The following ZMIZ1 variants were observed in gnomAD, a reference collection of about 807,000 sequenced individuals.
The protein encoded by ZMIZ1 is zinc finger MIZ domain-containing protein 1.
Under a neutral mutation model 113.9 loss-of-function variants are expected in ZMIZ1, and 17 were observed. The ratio of observed to expected loss-of-function variants is 0.15; its 90% CI spans 0.10 to 0.22. The LOEUF (loss-of-function observed/expected upper bound fraction) is 0.22, where lower values mean the gene tolerates loss of function less well. ZMIZ1 is among the 10% of genes least tolerant of loss of function. The pLI is 1.00. For synonymous variants in ZMIZ1, 607 were observed against 603.1 expected (o/e 1.01, Z -0.09); for missense variants, 1,059 against 1,477.8 (o/e 0.72, Z 4.65).
intron 2 of ZMIZ1, among the ~76,000 whole-genome samples, chr10:79,137,944 C>T (rs990228474): frequency 1.6e-4 from 25 of 152,148 alleles, no homozygotes; most frequent in African/African-American, 6.0e-4. Flanking sequence ...CGGTCCTGGG[C>T]CCAACTGACT....
At chr10:79,135,894 C>T (rs1176337968) in intron 2 of ZMIZ1, among the ~76,000 whole-genome samples, 4 of 152,256 alleles carry the variant, frequency 2.6e-5, no homozygotes, top group Non-Finnish European at 5.9e-5. Context: ...GGCCACCCAC[C>T]CACCCGCCGC....
intron 1 of ZMIZ1, among the ~76,000 whole-genome samples, chr10:79,113,037 A>G (rs1018076515): frequency 1.3e-5 from 2 of 152,164 alleles, no homozygotes; most frequent in African/African-American, 4.8e-5. Flanking sequence ...AGGGCTTCTC[A>G]ACAGCTTTCA....
At chr10:79,213,046 C>T (rs963646387) in intron 6 of ZMIZ1, among the ~76,000 whole-genome samples, 3 of 152,098 alleles carry the variant, frequency 2.0e-5, no homozygotes, top group Non-Finnish European at 4.4e-5. Flanking sequence ...CTTCCCCCTG[C>T]CACCCCCACC....
chr10:79,313,274 C>T lies in ZMIZ1; in HGVS notation c.*525C>T. The T allele has an allele frequency of 1.3e-5, 1 of 77,340 alleles. No individual in the cohort carries two copies. Among genetic ancestry groups the T allele is most frequent in the East Asian group, 3.5e-4 (1 of 2,882 alleles). 4.8% of individuals were successfully genotyped at this position (77,340 alleles called of 1,614,324 possible). On this transcript the variant is annotated 3_prime_UTR_variant, in exon 25 of 25. Coordinates refer to ENST00000334512, the MANE Select transcript of ZMIZ1 (RefSeq NM_020338.4). ...AGTTGGTGGCAGTGAGACCAGCCCA[C>T]CCACCACCACCCACCACAGAAAAGC...
intron 3 of ZMIZ1, among the ~76,000 whole-genome samples, chr10:79,159,627 A>G (rs1406987669): frequency 6.6e-6 from 1 of 152,152 alleles, no homozygotes; most frequent in Non-Finnish European, 1.5e-5. Flanking sequence ...GTCAGTGTCC[A>G]CCTCACAGCG....
intron 2 of ZMIZ1, among the ~76,000 whole-genome samples, chr10:79,121,429 G>A (rs1378683101): frequency 1.3e-5 from 2 of 152,210 alleles, no homozygotes; most frequent in African/African-American, 4.8e-5. Flanking sequence ...TTCTGACCTA[G>A]TATTCCCAGG....
chr10:79,165,971 T>C (rs956867158), intron 4 of ZMIZ1, among the ~76,000 whole-genome samples: 564 of 27,786 alleles, frequency 0.02, no homozygotes, highest in African/African-American at 0.034. Flanking sequence ...TGTGTGTGTG[T>C]GTGTGTGTGT....
intron 8 of ZMIZ1, chr10:79,285,313 G>T (rs1852996797): frequency 2.7e-6 from 1 of 368,046 alleles, no homozygotes; most frequent in Non-Finnish European, 5.4e-6. Context: ...CAGTAAATCA[G>T]AACAACAGTA....
Position 79,300,961 on chromosome 10 carries a change from G to A in ZMIZ1, c.2019+19G>A. 1 of 1,604,820 alleles carries A rather than the reference G, an allele frequency of 6.2e-7. No homozygotes were observed. Among genetic ancestry groups the A allele is most frequent in the Admixed American group, 1.7e-5 (1 of 59,958 alleles). On this transcript the variant is annotated intron_variant, in intron 17 of 24. Coordinates refer to ENST00000334512, the MANE Select transcript of ZMIZ1 (RefSeq NM_020338.4). ...CTGCTGCGTGAGTGTGGTGGGCCAG[G>A]GGCAGCGTTGGCACAGGCAGGCCCT... is the stretch of plus-strand genomic sequence containing the variant.
chr10:79,305,288 G>A, intron 20 of ZMIZ1, 57 bp downstream of exon 20: 6 of 1,591,916 alleles, frequency 3.8e-6, no homozygotes, highest in South Asian at 2.2e-5. Context: ...CAGACGGGAG[G>A]GGCCAGCTAC....
At chr10:79,114,506 C>CGTGTGT (rs57304757) in intron 1 of ZMIZ1, among the ~76,000 whole-genome samples, 5,304 of 93,000 alleles carry the variant, frequency 0.057, 194 homozygotes, top group Non-Finnish European at 0.07. Context: ...TGTGTGTGTG[C>CGTGTGT]GTGTGTGTGT....
chr10:79,308,585 T>C (rs998609780), intron 23 of ZMIZ1, among the ~76,000 whole-genome samples: 1 of 152,122 alleles, frequency 6.6e-6, no homozygotes, highest in African/African-American at 2.4e-5. Flanking sequence ...TGACATGGAA[T>C]TGCCTCAGGA....
chr10:79,082,972 G>A (rs1842705513), intron 1 of ZMIZ1, among the ~76,000 whole-genome samples: 1 of 152,140 alleles, frequency 6.6e-6, no homozygotes, highest in African/African-American at 2.4e-5. Context: ...ACCCAAGGAA[G>A]GTGGATTCAT....
intron 7 of ZMIZ1, among the ~76,000 whole-genome samples, chr10:79,223,908 A>G (rs1243423572): frequency 1.3e-5 from 2 of 152,208 alleles, no homozygotes; most frequent in African/African-American, 4.8e-5. Context: ...GTTTATGGAC[A>G]CAGTGTTCCC....
chr10:79,289,707 A>T (rs1223362225), intron 8 of ZMIZ1, 68 bp from the exon 9 acceptor site: 1 of 1,442,546 alleles, frequency 6.9e-7, no homozygotes, highest in Non-Finnish European at 9.7e-7. Context: ...TGGTGGGGTG[A>T]TGGGCATGGC....
In ZMIZ1 at chr10:79,171,063, C is replaced by T. The variant is rs139050288; in HGVS notation, c.-50+8930C>T. 1.5e-3 allele frequency among the ~76,000 whole-genome samples: 227 copies of T among 152,362 alleles called. 2 individuals carry two copies. The highest frequency in any genetic ancestry group is 2.6e-3 in the Non-Finnish European group (177 of 68,030). The stretch of plus-strand genomic sequence containing the variant: ...TCCCAGCCCATGGGTCCTCCCACCC[C>T]AGCCAGGGCAGCCCCCATGGAAGCT... On this transcript the variant is annotated intron_variant, in intron 4 of 24. Coordinates refer to ENST00000334512, the MANE Select transcript of ZMIZ1 (RefSeq NM_020338.4).
intron 4 of ZMIZ1, among the ~76,000 whole-genome samples, chr10:79,168,582 G>A (rs1389816026): frequency 6.6e-6 from 1 of 152,256 alleles, no homozygotes; most frequent in Non-Finnish European, 1.5e-5. Flanking sequence ...TCTGGGCATA[G>A]CAACAAGGTG....
intron 7 of ZMIZ1, among the ~76,000 whole-genome samples, chr10:79,275,589 C>T (rs981283710): frequency 6.6e-6 from 1 of 152,248 alleles, no homozygotes. Flanking sequence ...GGGTGTCTTC[C>T]ACCAGTGCCG....
intron 4 of ZMIZ1, among the ~76,000 whole-genome samples, chr10:79,195,878 A>G (rs974804123): frequency 2.0e-5 from 3 of 152,180 alleles, no homozygotes; most frequent in Non-Finnish European, 2.9e-5. Flanking sequence ...CACCTTGGGC[A>G]ATTTGCTTCA....
Sources: allele counts gnomAD v4.1 joint callset (sites outside exome capture counted in the v4.1 genomes callset), GRCh38; gene constraint gnomAD v4.1.1; transcripts MANE v1.5; gene names NCBI Gene and HGNC (gene_info 2026-07-23, HGNC 2026-07-21).